GAB2: variants seen among roughly 807,000 people sequenced by gnomAD.
GAB2 encodes the protein GRB2-associated-binding protein 2.
GAB2 carries 26 observed loss-of-function variants against 65.5 expected under a neutral mutation model. That is an observed-to-expected ratio of 0.40 (90% confidence interval 0.29 to 0.55). GAB2 has a LOEUF of 0.55. GAB2 is among the 20% of genes least tolerant of loss of function. The pLI, the probability that GAB2 is intolerant of heterozygous loss-of-function variation, is 0.53. For synonymous variants in GAB2, 321 were observed against 329.6 expected (o/e 0.97, Z 0.28); for missense variants, 884 against 875.8 (o/e 1.01, Z -0.12).
chr11:78,389,245 G>T (rs987163312), intron 1 of GAB2, among the ~76,000 whole-genome samples: 3 of 151,720 alleles, frequency 2.0e-5, no homozygotes, highest in Admixed American at 6.6e-5. Context: ...AGATTGACAT[G>T]AAGAACAACT....
chr11:78,312,308 ACC>A (rs1565154970), intron 1 of GAB2, among the ~76,000 whole-genome samples: 1 of 152,038 alleles, frequency 6.6e-6, no homozygotes, highest in Non-Finnish European at 1.5e-5. Flanking sequence ...CACCACCACC[ACC>A]ACAACAAAAA....
At chr11:78,393,578 A>C in intron 1 of GAB2, among the ~76,000 whole-genome samples, 1 of 152,256 alleles carries the variant, frequency 6.6e-6, no homozygotes, top group Non-Finnish European at 1.5e-5. Flanking sequence ...ATGATGCATC[A>C]AAAAGCCTTA....
chr11:78,395,344 C>G (rs1856883518), intron 1 of GAB2, among the ~76,000 whole-genome samples: 1 of 152,212 alleles, frequency 6.6e-6, no homozygotes, highest in South Asian at 2.1e-4. Flanking sequence ...ATCACAGCTA[C>G]AAAGAAGGCT....
chr11:78,301,572 A>G (rs1018983107), intron 1 of GAB2, among the ~76,000 whole-genome samples: 1 of 152,120 alleles, frequency 6.6e-6, no homozygotes, highest in Non-Finnish European at 1.5e-5. Context: ...ACTTCAGGTG[A>G]TCTGCCCACC....
chr11:78,304,133 A>G (rs541173321), intron 1 of GAB2, among the ~76,000 whole-genome samples: 1 of 152,174 alleles, frequency 6.6e-6, no homozygotes, highest in South Asian at 2.1e-4. Flanking sequence ...TGTCTTTTAT[A>G]GAATTTCATT....
intron 1 of GAB2, among the ~76,000 whole-genome samples, chr11:78,306,863 C>A (rs950219495): frequency 2.6e-5 from 4 of 152,172 alleles, no homozygotes; most frequent in African/African-American, 9.7e-5. Flanking sequence ...TAAAATAGAT[C>A]ACATTCCATC....
chr11:78,282,860 TTTC>T (rs1294390408), intron 1 of GAB2, among the ~76,000 whole-genome samples: 2 of 152,226 alleles, frequency 1.3e-5, no homozygotes, highest in Admixed American at 1.3e-4. Context: ...CCTGTCCTCT[TTTC>T]TTTCCTTATC....
intron 2 of GAB2, among the ~76,000 whole-genome samples, chr11:78,254,186 G>A (rs1413419799): frequency 6.6e-6 from 1 of 152,072 alleles, no homozygotes; most frequent in Non-Finnish European, 1.5e-5. Context: ...ATACACATAA[G>A]GTCTAGAAAA....
At chr11:78,396,168 A>C (rs189440189) in intron 1 of GAB2, among the ~76,000 whole-genome samples, 2 of 152,228 alleles carry the variant, frequency 1.3e-5, no homozygotes, top group Non-Finnish European at 2.9e-5. Flanking sequence ...TAATGTGGTC[A>C]TACCAATTAA....
chr11:78,312,081 T>TA (rs1855511041), intron 1 of GAB2, among the ~76,000 whole-genome samples: 1 of 151,914 alleles, frequency 6.6e-6, no homozygotes, highest in African/African-American at 2.4e-5. Context: ...TAGGTCTGTG[T>TA]CACAGGGCAG....
chr11:78,397,757 T>A (rs1856919728), intron 1 of GAB2, among the ~76,000 whole-genome samples: 2 of 152,208 alleles, frequency 1.3e-5, no homozygotes, highest in African/African-American at 4.8e-5. Context: ...CCACCAAGAC[T>A]ATAAACTTTG....
chr11:78,220,077 C>T (rs909422111), intron 9 of GAB2, among the ~76,000 whole-genome samples: 2 of 152,184 alleles, frequency 1.3e-5, no homozygotes, highest in Non-Finnish European at 2.9e-5. Flanking sequence ...ATCTCTACAA[C>T]ACGGGGGATG....
intron 3 of GAB2, among the ~76,000 whole-genome samples, chr11:78,231,336 GGTGTGT>G (rs58651538): frequency 1.1e-4 from 16 of 145,898 alleles, no homozygotes; most frequent in South Asian, 4.4e-4. Context: ...GCGCGTGTGT[GGTGTGT>G]GTGTGTGTGT....
intron 1 of GAB2, among the ~76,000 whole-genome samples, chr11:78,323,780 CT>C (rs1261042449): frequency 1.4e-5 from 2 of 144,940 alleles, no homozygotes; most frequent in African/African-American, 2.6e-5. Context: ...CGTGTACCCC[CT>C]GAATCTTTCT....
chr11:78,225,344 C>T (rs984818809), intron 4 of GAB2, 142 bp from the exon 5 acceptor site: 30 of 604,088 alleles, frequency 5.0e-5, no homozygotes, highest in South Asian at 2.3e-4. Context: ...GGAATTTCTT[C>T]GAACACATCA....
intron 2 of GAB2, among the ~76,000 whole-genome samples, chr11:78,254,581 C>T (rs909771506): frequency 6.6e-6 from 1 of 152,086 alleles, no homozygotes. Flanking sequence ...AGGAGGGTTG[C>T]TTGAGGTCAG....
intron 5 of GAB2, among the ~76,000 whole-genome samples, chr11:78,224,429 C>A (rs752936271): frequency 6.6e-6 from 1 of 152,090 alleles, no homozygotes; most frequent in Non-Finnish European, 1.5e-5. Context: ...TTTCCCCAGT[C>A]CAGGTTTCTA....
intron 1 of GAB2, among the ~76,000 whole-genome samples, chr11:78,397,856 C>G (rs1331759116): frequency 6.6e-6 from 1 of 152,090 alleles, no homozygotes; most frequent in Non-Finnish European, 1.5e-5. Context: ...GGACCTCTAA[C>G]AGGTTTTAGC....
At chr11:78,335,730 T>C (rs993716326) in intron 1 of GAB2, among the ~76,000 whole-genome samples, 3 of 152,190 alleles carry the variant, frequency 2.0e-5, no homozygotes, top group African/African-American at 7.2e-5. Context: ...CTGGGTCTTT[T>C]GTGATTCCAT....
Sources: gnomAD v4.1 joint callset for allele counts (sites outside exome capture counted in the v4.1 genomes callset) on GRCh38, gnomAD v4.1.1 for gene constraint, MANE v1.5 for transcripts, NCBI Gene and HGNC (gene_info 2026-07-23, HGNC 2026-07-21) for gene names.